The following ASCC3 variants were observed in gnomAD, a reference collection of about 807,000 sequenced individuals.
ASCC3 encodes the protein ASC-1 complex subunit P200.
ASCC3 carries 158 observed loss-of-function variants against 256.3 expected under a neutral mutation model. The ratio of observed to expected loss-of-function variants is 0.62; its 90% confidence interval spans 0.54 to 0.70. The LOEUF is 0.70. Ranked by LOEUF, ASCC3 falls within the 30% of genes least tolerant of loss-of-function variation. The probability of loss-of-function intolerance (pLI) is 0.00; values close to 1 mark genes in which losing one functional copy is unlikely to be tolerated. For synonymous variants in ASCC3, 948 were observed against 883.4 expected (o/e 1.07, Z -1.30); for missense variants, 2,259 against 2,626.0 (o/e 0.86, Z 3.05).
Position 100,702,254 on chromosome 6 carries a change from G to A in ASCC3, c.2151+13208C>T, listed in dbSNP as rs572292902. 2.6e-5 allele frequency among the ~76,000 whole-genome samples: 4 copies of A among 152,246 alleles called. No individual in the cohort carries two copies. In the East Asian group the frequency reaches 7.7e-4, roughly 29 times the overall value. ...ATGGGCAGACTTAAGAGATACTTAG[G>A]AGGTAAACTAGATAGGCATTGGTGA... On this transcript the variant is annotated intron_variant, in intron 13 of 41. Coordinates refer to ENST00000369162, the MANE Select transcript of ASCC3 (RefSeq NM_006828.4).
At chr6:100,623,881 G>A (rs1157749567) in intron 30 of ASCC3, among the ~76,000 whole-genome samples, 1 of 151,330 alleles carries the variant, frequency 6.6e-6, no homozygotes, top group Non-Finnish European at 1.5e-5. Flanking sequence ...AAGACACCAT[G>A]ATATTGTTCT....
At chr6:100,607,831 G>T (rs939700887) in intron 30 of ASCC3, among the ~76,000 whole-genome samples, 2 of 150,700 alleles carry the variant, frequency 1.3e-5, no homozygotes, top group Non-Finnish European at 3.0e-5. Context: ...AATCAAACTG[G>T]TGTATTTTTG....
Position 100,799,141 on chromosome 6 carries a change from G to A in ASCC3, c.1269+290C>T, listed in dbSNP as rs77528789. 0.013 allele frequency among the ~76,000 whole-genome samples: 1,937 copies of A among 151,972 alleles called. 99 individuals are homozygous for A. The East Asian group carries it at 0.15, about 12-fold the overall frequency. ...AATACAAATGTATTCATATAATTAG[G>A]AAAATGTACAGCATACAGTATAAAG... On this transcript the variant is annotated intron_variant, in intron 7 of 41. Transcript: ENST00000369162.
intron 4 of ASCC3, among the ~76,000 whole-genome samples, chr6:100,816,315 G>T (rs1178386738): frequency 6.6e-6 from 1 of 152,044 alleles, no homozygotes; most frequent in Non-Finnish European, 1.5e-5. Context: ...TGGTGGGACT[G>T]TAAATTAGTT....
chr6:100,654,094 G>A (rs1775805506), intron 17 of ASCC3, among the ~76,000 whole-genome samples: 2 of 152,042 alleles, frequency 1.3e-5, no homozygotes, highest in Non-Finnish European at 2.9e-5. Flanking sequence ...GAAGTAAGAT[G>A]GAGTCAAGAG....
intron 30 of ASCC3, among the ~76,000 whole-genome samples, chr6:100,609,151 C>T (rs1242557177): frequency 6.6e-6 from 1 of 151,768 alleles, no homozygotes; most frequent in Non-Finnish European, 1.5e-5. Context: ...AAATCGGTCC[C>T]TTATGTTTTG....
At chr6:100,824,543 C>A (rs17061132) in intron 4 of ASCC3, among the ~76,000 whole-genome samples, 1 of 152,044 alleles carries the variant, frequency 6.6e-6, no homozygotes, top group African/African-American at 2.4e-5. Flanking sequence ...AGAACCCTTT[C>A]GAATTAGAAT....
At chr6:100,820,870 T>C (rs1307820214) in intron 4 of ASCC3, among the ~76,000 whole-genome samples, 1 of 152,116 alleles carries the variant, frequency 6.6e-6, no homozygotes, top group African/African-American at 2.4e-5. Flanking sequence ...ATAACCAGGA[T>C]GAAACTCAAC....
At chr6:100,670,916 T>A (rs977200775) in intron 14 of ASCC3, among the ~76,000 whole-genome samples, 2 of 152,018 alleles carry the variant, frequency 1.3e-5, no homozygotes, top group Admixed American at 6.6e-5. Context: ...AACAAAAGTA[T>A]CCATCAATAT....
At chr6:100,634,749 T>A (rs1382053123) in intron 25 of ASCC3, among the ~76,000 whole-genome samples, 1 of 151,190 alleles carries the variant, frequency 6.6e-6, no homozygotes, top group African/African-American at 2.4e-5. Flanking sequence ...CAGCCGGGCA[T>A]GTGGCACAAA....
At chr6:100,595,736 T>C (rs1772259514) in intron 34 of ASCC3, among the ~76,000 whole-genome samples, 1 of 152,196 alleles carries the variant, frequency 6.6e-6, no homozygotes, top group Admixed American at 6.5e-5. Flanking sequence ...AAGTTGCTTA[T>C]TCTCCTTGTG....
At chr6:100,715,301 C>A in intron 13 of ASCC3, 161 bp downstream of exon 13, 1 of 613,486 alleles carries the variant, frequency 1.6e-6, no homozygotes, top group Non-Finnish European at 2.9e-6. Context: ...TATGACTTAC[C>A]CATTGGGCTA....
Position 100,644,071 on chromosome 6 carries a change from T to C in ASCC3, c.3692A>G (p.His1231Arg), listed in dbSNP as rs1357236934. The change falls in exon 23 of 42, where the codon CAT becomes CGT. Residue 1231 changes from histidine to arginine, a missense_variant. This residue lies in a region of ASCC3 where 1,839 missense variants were observed against 2,206.7 expected (regional missense o/e 0.83). Transcript: ENST00000369162. ...WIWVEDPTND[H>R]IYHSEYFLAL... ...TAGAAAATACTCTGAATGATAAATA[T>C]GATCATTTGTAGGATCTTCTACCCA... is the stretch of plus-strand genomic sequence containing the variant. 6.2e-7 allele frequency: 1 copy of C among 1,612,924 alleles called. No individual in the cohort carries two copies. The highest frequency in any genetic ancestry group is 8.5e-7 in the Non-Finnish European group (1 of 1,179,352).
Position 100,767,335 on chromosome 6 carries a change from A to G in ASCC3, c.1406T>C (p.Leu469Pro). 11 of 1,531,794 alleles carry G rather than the reference A, an allele frequency of 7.2e-6. No individual in the cohort carries two copies. Among genetic ancestry groups the G allele is most frequent in the Non-Finnish European group, 9.6e-6 (11 of 1,145,440 alleles). 94.9% of individuals were successfully genotyped at this position (1,531,794 alleles called of 1,614,324 possible). The stretch of plus-strand genomic sequence containing the variant: ...GAGTCTCTTCATTCCTTTAAAAGCC[A>G]GCTGTCCGATCTAAAAAAAAAAGGC... The part of the protein sequence containing the change: ...YIQDLDEIGQ[L>P]AFKGMKRLNR... Residue 469 changes from leucine to proline, a missense_variant, in exon 9 of 42, where the codon CTG (leucine) becomes CCG (proline). This residue lies in a region of ASCC3 where 1,839 missense variants were observed against 2,206.7 expected (regional missense o/e 0.83). Coordinates refer to ENST00000369162, the MANE Select transcript of ASCC3 (RefSeq NM_006828.4).
At position 100,509,430 on chromosome 6, in the gene ASCC3, T is replaced by C. The variant is rs1032019619; in HGVS notation, c.6565A>G (p.Asn2189Asp). 1.9e-6 allele frequency: 3 copies of C among 1,614,084 alleles called. No homozygotes were observed. The highest frequency in any genetic ancestry group is 2.7e-5 in the African/African-American group (2 of 74,924). ...GTCAGGGAATCAGAGACCTTGGTGT[T>C]GACCTGTGCAGAAAGACTCGCTTGT... ...VTQASLSAQV[N>D]TKVSDSLTDL... Residue 2189 changes from asparagine to aspartate, a missense_variant, in exon 42 of 42, where the codon AAC becomes GAC. Coordinates refer to ENST00000369162, the MANE Select transcript of ASCC3 (RefSeq NM_006828.4).
chr6:100,569,410 C>G (rs1770465089), intron 36 of ASCC3, among the ~76,000 whole-genome samples: 1 of 151,904 alleles, frequency 6.6e-6, no homozygotes, highest in Non-Finnish European at 1.5e-5. Flanking sequence ...GAGATGGAGT[C>G]TTGCTCTGTC....
At chr6:100,868,753 A>G (rs986161709) in intron 1 of ASCC3, among the ~76,000 whole-genome samples, 1 of 152,220 alleles carries the variant, frequency 6.6e-6, no homozygotes, top group Non-Finnish European at 1.5e-5. Context: ...GAATAAATGG[A>G]AGATAAATGA....
At chr6:100,833,090 T>G (rs1327585950) in intron 4 of ASCC3, among the ~76,000 whole-genome samples, 1 of 152,204 alleles carries the variant, frequency 6.6e-6, no homozygotes, top group South Asian at 2.1e-4. Flanking sequence ...CAAATTGTAC[T>G]ATATCTGTAT....
At chr6:100,602,102 C>T (rs1432170073) in intron 33 of ASCC3, among the ~76,000 whole-genome samples, 167 bp from the exon 34 acceptor site, 1 of 151,928 alleles carries the variant, frequency 6.6e-6, no homozygotes, top group Non-Finnish European at 1.5e-5. Flanking sequence ...GTAAATAATT[C>T]ATTCCAAATT....
Sources: allele counts gnomAD v4.1 joint callset (sites outside exome capture counted in the v4.1 genomes callset), GRCh38; gene constraint gnomAD v4.1.1; regional missense constraint gnomAD v4.1.1; transcripts MANE v1.5; gene names NCBI Gene and HGNC (gene_info 2026-07-23, HGNC 2026-07-21).